The following EPM2A variants were observed in gnomAD, a reference collection of about 807,000 sequenced individuals.
The protein encoded by EPM2A is EPM2A glucan phosphatase, laforin, also known as laforin.
In EPM2A, 21 loss-of-function variants were observed where a neutral mutation model predicts 26.5. The observed-to-expected ratio is 0.79, with a 90% CI of 0.56 to 1.14. EPM2A has a LOEUF of 1.14. Ranked by LOEUF, EPM2A falls within the 50% of genes most tolerant of loss-of-function variation. EPM2A has a pLI of 0.00. For missense variants in EPM2A, 458 were observed against 440.8 expected (o/e 1.04, Z -0.35); for synonymous variants, 217 against 177.6 (o/e 1.22, Z -1.76).
chr6:145,584,037 G>T (rs1438418385), intron 2 of EPM2A, among the ~76,000 whole-genome samples: 3 of 152,202 alleles, frequency 2.0e-5, no homozygotes, highest in Non-Finnish European at 4.4e-5. Context: ...TAGTGTGTGT[G>T]TGTTCCTTTC....
At chr6:145,518,595 CAAAAA>C (rs55802475) in intron 2 of EPM2A, among the ~76,000 whole-genome samples, 9,360 of 102,714 alleles carry the variant, frequency 0.091, 366 homozygotes, top group East Asian at 0.2. Context: ...TGAAATGCAC[CAAAAA>C]AAAAAAAAAA....
At chr6:145,495,082 G>A in intron 4 of EPM2A, among the ~76,000 whole-genome samples, 1 of 152,110 alleles carries the variant, frequency 6.6e-6, no homozygotes, top group East Asian at 1.9e-4. Flanking sequence ...TTGTTAGTGG[G>A]ATGGTAAAAT....
At chr6:145,405,476 G>A (rs2114670448) in intron 4 of EPM2A, among the ~76,000 whole-genome samples, 1 of 152,192 alleles carries the variant, frequency 6.6e-6, no homozygotes, top group East Asian at 1.9e-4. Context: ...ATTTAAAAAG[G>A]ATGAAATTCA....
intron 4 of EPM2A, among the ~76,000 whole-genome samples, chr6:145,419,832 T>C (rs1408061420): frequency 6.6e-6 from 1 of 152,120 alleles, no homozygotes; most frequent in Non-Finnish European, 1.5e-5. Context: ...AAATAACTAT[T>C]ACAAATATGA....
At chr6:145,672,662 G>T (rs947705778) in intron 2 of EPM2A, among the ~76,000 whole-genome samples, 1 of 152,192 alleles carries the variant, frequency 6.6e-6, no homozygotes, top group Non-Finnish European at 1.5e-5. Context: ...CTCTTGAAAA[G>T]GTTAAAGAAG....
intron 2 of EPM2A, among the ~76,000 whole-genome samples, chr6:145,617,299 T>C (rs1215299235): frequency 6.6e-6 from 1 of 152,148 alleles, no homozygotes; most frequent in Non-Finnish European, 1.5e-5. Flanking sequence ...TCCAGCATGA[T>C]TATGAGGCCT....
rs147868206 is a variant in EPM2A at position 145,647,862 on chromosome 6, C to T, written c.477-12376G>A. Among the ~76,000 whole-genome samples, 400 of 152,306 alleles carry T rather than the reference C, an allele frequency of 2.6e-3. 3 individuals are homozygous for T. Among genetic ancestry groups the T allele is most frequent in the African/African-American group, 9.4e-3 (390 of 41,572 alleles). On this transcript the variant is annotated intron_variant, in intron 2 of 3. Coordinates refer to ENST00000367519, the MANE Select transcript of EPM2A (RefSeq NM_005670.4). ...CTGTGTTGAAGACATTGTCAACTGT[C>T]TTATCCCAAGGATGTATGTGTTAAA...
intron 4 of EPM2A, among the ~76,000 whole-genome samples, chr6:145,423,040 TTAGAC>T (rs1392091810): frequency 6.6e-6 from 1 of 152,146 alleles, no homozygotes; most frequent in African/African-American, 2.4e-5. Flanking sequence ...AAAGATGGAT[TTAGAC>T]AAGTAAAATA....
chr6:145,643,368 T>C (rs1057297196), intron 2 of EPM2A, among the ~76,000 whole-genome samples: 2 of 152,216 alleles, frequency 1.3e-5, no homozygotes, highest in Admixed American at 6.5e-5. Context: ...TCAATTCCTT[T>C]TGTTTTCCCT....
At chr6:145,512,183 A>G (rs768951531) in intron 2 of EPM2A, among the ~76,000 whole-genome samples, 1 of 152,160 alleles carries the variant, frequency 6.6e-6, no homozygotes, top group Non-Finnish European at 1.5e-5. Flanking sequence ...AAATGACCAT[A>G]TTGCCCAAAG....
At chr6:145,557,532 A>G (rs1780745383) in intron 2 of EPM2A, among the ~76,000 whole-genome samples, 2 of 152,142 alleles carry the variant, frequency 1.3e-5, no homozygotes, top group African/African-American at 4.8e-5. Context: ...TTGTGATTCT[A>G]CATGTTGTTG....
chr6:145,439,768 G>T (rs1039596375), intron 4 of EPM2A, among the ~76,000 whole-genome samples: 13 of 152,246 alleles, frequency 8.5e-5, no homozygotes, highest in African/African-American at 1.4e-4. Context: ...TCTGTAGGTT[G>T]CCTGTTTACT....
intron 4 of EPM2A, among the ~76,000 whole-genome samples, chr6:145,408,230 C>A (rs1327386678): frequency 6.6e-6 from 1 of 152,074 alleles, no homozygotes; most frequent in Non-Finnish European, 1.5e-5. Flanking sequence ...TATTGTCCAC[C>A]CTCAGTTAAT....
intron 2 of EPM2A, among the ~76,000 whole-genome samples, chr6:145,505,392 CACAA>C (rs200664197): frequency 0.015 from 2,217 of 152,132 alleles, 44 homozygotes; most frequent in African/African-American, 0.05. Flanking sequence ...CACACACACA[CACAA>C]ACACACACAC....
rs184670052 is a variant in EPM2A at position 145,564,149 on chromosome 6, C to T, written c.341-61574G>A. ...AATGTCTGTACCTGTTTAGTGCAGA[C>T]GCAATTTAAAAAAAAATATTTTTAA... is the stretch of plus-strand genomic sequence containing the variant. On this transcript the variant is annotated intron_variant, in intron 2 of 3. Transcript: ENST00000450221. Among the ~76,000 whole-genome samples the T allele has an allele frequency of 1.3e-4, 20 of 152,044 alleles. No homozygotes were observed. The East Asian group carries it at 1.7e-3, about 13-fold the overall frequency.
chr6:145,475,625 T>A (rs112178128), intron 4 of EPM2A, among the ~76,000 whole-genome samples: 1,658 of 151,790 alleles, frequency 0.011, 25 homozygotes, highest in African/African-American at 0.036. Context: ...AAAAAAAAAA[T>A]TTAAAAAGAA....
chr6:145,536,401 G>A (rs944735062), intron 2 of EPM2A, among the ~76,000 whole-genome samples: 2 of 152,010 alleles, frequency 1.3e-5, no homozygotes, highest in Admixed American at 1.3e-4. Flanking sequence ...GTTGAAGCAA[G>A]TCTCCTGCCT....
chr6:145,569,980 G>A (rs1182202694), intron 2 of EPM2A, among the ~76,000 whole-genome samples: 1 of 152,154 alleles, frequency 6.6e-6, no homozygotes, highest in Admixed American at 6.5e-5. Context: ...AGAACTTGGA[G>A]CCCGATGTTC....
chr6:145,514,661 A>G (rs982432018), intron 2 of EPM2A, among the ~76,000 whole-genome samples: 2 of 152,148 alleles, frequency 1.3e-5, no homozygotes, highest in Admixed American at 1.3e-4. Context: ...TCCCTCCCCA[A>G]GTGATATTTG....
Sources: allele counts gnomAD v4.1 joint callset (sites outside exome capture counted in the v4.1 genomes callset), GRCh38; gene constraint gnomAD v4.1.1; transcripts MANE v1.5; gene names NCBI Gene and HGNC (gene_info 2026-07-23, HGNC 2026-07-21).